ASH1L: variants seen among roughly 807,000 people sequenced by gnomAD.
ASH1L encodes the protein histone-lysine N-methyltransferase ASH1L.
Under a neutral mutation model 269.0 loss-of-function variants are expected in ASH1L, and 23 were observed. That is an observed-to-expected ratio of 0.09 (90% CI 0.06 to 0.12). ASH1L has a LOEUF of 0.12. Among genes scored for constraint, ASH1L ranks in the 10% least tolerant of loss-of-function variants. ASH1L has a pLI of 1.00. For missense variants in ASH1L, 2,912 were observed against 3,567.8 expected, an observed-to-expected ratio of 0.82 and a Z score of 4.68; for synonymous variants, 1,187 against 1,253.5, an observed-to-expected ratio of 0.95 and a Z score of 1.12.
At chr1:155,517,835 C>A in intron 2 of ASH1L, among the ~76,000 whole-genome samples, 1 of 109,418 alleles carries the variant, frequency 9.1e-6, no homozygotes, top group Non-Finnish European at 1.7e-5. Context: ...GAGTCTCGCT[C>A]TGTCGCCCAG....
chr1:155,394,194 G>A (rs925258009), intron 7 of ASH1L, among the ~76,000 whole-genome samples: 2 of 152,146 alleles, frequency 1.3e-5, no homozygotes, highest in African/African-American at 4.8e-5. Flanking sequence ...GGAATAACAA[G>A]TATAATGACC....
Position 155,336,812 on chromosome 1 carries a change from T to C in ASH1L, c.*848A>G, listed in dbSNP as rs1038928790. The C allele has an allele frequency of 6.6e-6, 1 of 152,358 alleles. No individual in the cohort carries two copies. 9.4% of individuals were successfully genotyped at this position (152,358 alleles called of 1,614,324 possible). On this transcript the variant is annotated 3_prime_UTR_variant, in exon 28 of 28. Coordinates refer to ENST00000392403, the MANE Select transcript of ASH1L (RefSeq NM_018489.3). ...AGGGGTGGGTTTAGAGTTCTTTTTATGTAGGTTTTTAAATGATTTTATTTT... is the reference window on the plus strand; with the variant it reads ...AGGGGTGGGTTTAGAGTTCTTTTTACGTAGGTTTTTAAATGATTTTATTTT...
chr1:155,439,124 A>AT, intron 4 of ASH1L, 56 bp from the exon 5 acceptor site: 1 of 1,517,752 alleles, frequency 6.6e-7, no homozygotes, highest in Non-Finnish European at 8.9e-7. Flanking sequence ...AGTTATTTAA[A>AT]TAAGTTTTTA....
intron 2 of ASH1L, among the ~76,000 whole-genome samples, chr1:155,515,713 A>G (rs1188535167): frequency 6.6e-6 from 1 of 151,820 alleles, no homozygotes. Flanking sequence ...CTGTAATCCC[A>G]GCTACTCAGG....
chr1:155,503,617 C>A (rs906713699), intron 2 of ASH1L, among the ~76,000 whole-genome samples: 4 of 152,114 alleles, frequency 2.6e-5, no homozygotes, highest in African/African-American at 9.7e-5. Flanking sequence ...TTTAGAGAAA[C>A]TAAAGCATTA....
At position 155,356,335 on chromosome 1, in the gene ASH1L, C is replaced by T. The variant is rs2148366313; in HGVS notation, c.7055+981G>A. On this transcript the variant is annotated intron_variant, in intron 15 of 27. Coordinates refer to ENST00000392403, the MANE Select transcript of ASH1L (RefSeq NM_018489.3). Reference sequence around the variant, plus strand: ...CTGAACAATTATTTTTAAATTACTTCAAAAAATTTAAATTATTGGCCAGGT... The same window carrying T: ...CTGAACAATTATTTTTAAATTACTTTAAAAAATTTAAATTATTGGCCAGGT... Among the ~76,000 whole-genome samples the T allele has an allele frequency of 2.6e-5, 4 of 152,078 alleles. 1 individual carries two copies. In the South Asian group the frequency reaches 8.3e-4, roughly 32 times the overall value.
chr1:155,431,363 C>A (rs977657745), intron 5 of ASH1L, among the ~76,000 whole-genome samples: 1 of 151,984 alleles, frequency 6.6e-6, no homozygotes, highest in South Asian at 2.1e-4. Flanking sequence ...GAACACAGCT[C>A]ATTGCAGCCT....
intron 5 of ASH1L, among the ~76,000 whole-genome samples, chr1:155,435,123 A>G (rs1021378269): frequency 1.3e-5 from 2 of 152,240 alleles, no homozygotes; most frequent in African/African-American, 4.8e-5. Context: ...GCGCCACTGC[A>G]TTCCAGCCTG....
In ASH1L at chr1:155,478,834, A is replaced by C. The variant is rs761812355; in HGVS notation, c.4036T>G (p.Leu1346Val). Residue 1346 changes from leucine to valine, a missense_variant, in exon 3 of 28, where the codon TTA becomes GTA. By Grantham distance (32) the Leu-to-Val change is conservative. Transcript: ENST00000392403. The surrounding 1 kb of genome is among the most constrained non-coding windows in gnomAD (Gnocchi z 4.6). ...DPLHYIRKPD[L>V]KKKRGRPPKM... ...GGGGGTCTCCCTCTTTTCTTTTTTA[A>C]GTCAGGTTTTCGAATGTAGTGCAAA... The C allele has an allele frequency of 3.7e-5, 60 of 1,613,840 alleles. No individual in the cohort carries two copies. Among genetic ancestry groups the C allele is most frequent in the Non-Finnish European group, 5.1e-5 (60 of 1,179,994 alleles).
chr1:155,392,094 C>T (rs1571083600), intron 7 of ASH1L, among the ~76,000 whole-genome samples: 1 of 152,174 alleles, frequency 6.6e-6, no homozygotes, highest in African/African-American at 2.4e-5. Flanking sequence ...CAGCTGAAAT[C>T]CCTACTTAGT....
intron 3 of ASH1L, among the ~76,000 whole-genome samples, chr1:155,476,931 A>C (rs1665596932): frequency 6.6e-6 from 1 of 152,150 alleles, no homozygotes; most frequent in African/African-American, 2.4e-5. Context: ...ATTACTTTTC[A>C]TAATACCCCT....
intron 2 of ASH1L, among the ~76,000 whole-genome samples, chr1:155,495,485 T>C (rs1667084808): frequency 1.3e-5 from 2 of 152,020 alleles, no homozygotes; most frequent in African/African-American, 4.8e-5. Flanking sequence ...AGTAAAAATA[T>C]GGTATAAAAG....
intron 5 of ASH1L, among the ~76,000 whole-genome samples, chr1:155,424,978 GT>G (rs949970290): frequency 1.4e-4 from 21 of 145,892 alleles, no homozygotes; most frequent in African/African-American, 4.5e-4. Context: ...TAGTTTTTGT[GT>G]TTTTTTTTTG....
rs1665856731 is a variant in ASH1L, at chr1:155,480,217, G to A, written c.2653C>T (p.Pro885Ser). 1.2e-6 allele frequency: 2 copies of A among 1,614,008 alleles called. No individual in the cohort carries two copies. Among genetic ancestry groups the A allele is most frequent in the Admixed American group, 1.7e-5 (1 of 59,992 alleles). The change falls in exon 3 of 28, where the codon CCT becomes TCT. Residue 885 changes from proline to serine, a missense_variant. Pro to Ser is a moderately conservative substitution (Grantham distance 74). Around this residue, in one of 13 missense-constraint regions of ASH1L, gnomAD observed 715 missense variants for 721.0 expected, o/e 0.99. Transcript: ENST00000392403. ...PSFKQGLSVS[P>S]FPKKRGRPKR... ...GGCCTGCCTCTCTTTTTTGGAAAAG[G>A]AGACACAGACAGACCTTGTTTGAAG...
At chr1:155,400,348 A>G (rs570513755) in intron 6 of ASH1L, among the ~76,000 whole-genome samples, 1 of 151,910 alleles carries the variant, frequency 6.6e-6, no homozygotes, top group African/African-American at 2.4e-5. Flanking sequence ...AAAAAAGAGG[A>G]CATATTACTT....
At chr1:155,387,718 T>C (rs1453098521) in intron 7 of ASH1L, among the ~76,000 whole-genome samples, 1 of 152,216 alleles carries the variant, frequency 6.6e-6, no homozygotes. Context: ...AATCTATAAA[T>C]TGCTTTGGGC....
chr1:155,382,807 C>T (rs1657097856), intron 7 of ASH1L, among the ~76,000 whole-genome samples: 1 of 152,012 alleles, frequency 6.6e-6, no homozygotes, highest in African/African-American at 2.4e-5. Flanking sequence ...CTCACTGCTG[C>T]CTCAACCTCC....
intron 6 of ASH1L, among the ~76,000 whole-genome samples, chr1:155,409,292 A>G (rs1659568508): frequency 6.6e-6 from 1 of 152,168 alleles, no homozygotes; most frequent in Non-Finnish European, 1.5e-5. Context: ...CTCGGATTAC[A>G]GGGATGAGCA....
At chr1:155,366,942 C>T (rs916938474) in intron 12 of ASH1L, among the ~76,000 whole-genome samples, 6 of 147,102 alleles carry the variant, frequency 4.1e-5, no homozygotes, top group African/African-American at 1.5e-4. Flanking sequence ...TCTGAAAGTG[C>T]TGAGATTACA....
Sources: allele counts gnomAD v4.1 joint callset (sites outside exome capture counted in the v4.1 genomes callset), GRCh38; gene constraint gnomAD v4.1.1; regional missense constraint gnomAD v4.1.1; non-coding constraint Gnocchi (gnomAD v3.1); transcripts MANE v1.5; gene names NCBI Gene and HGNC (gene_info 2026-07-23, HGNC 2026-07-21).